MORN1: variants seen among roughly 807,000 people sequenced by gnomAD.
MORN1 encodes the protein MORN repeat containing 1.
In MORN1, 67 loss-of-function variants were observed where a neutral mutation model predicts 61.9. The ratio of observed to expected loss-of-function variants is 1.08; its 90% CI spans 0.89 to 1.33. The LOEUF is 1.33. Ranked by LOEUF, MORN1 falls within the 40% of genes most tolerant of loss-of-function variation. MORN1 has a pLI of 0.00. For missense variants in MORN1, 752 were observed against 691.2 expected (o/e 1.09, Z -0.99); for synonymous variants, 301 against 292.0 (o/e 1.03, Z -0.31).
At chr1:2,390,030 A>G in intron 1 of MORN1, 34 bp from the exon 2 acceptor site, 2 of 1,573,758 alleles carry the variant, frequency 1.3e-6, no homozygotes, top group Non-Finnish European at 1.7e-6. Context: ...AGGTAAGCAC[A>G]GACACAGAGA....
chr1:2,351,763 C>G, intron 10 of MORN1: 1 of 558,300 alleles, frequency 1.8e-6, no homozygotes, highest in Non-Finnish European at 3.5e-6. Flanking sequence ...TTGTCAAAAG[C>G]CTTGAAGGTG....
At chr1:2,323,783 T>C (rs955180163) in intron 13 of MORN1, 48 of 985,246 alleles carry the variant, frequency 4.9e-5, no homozygotes, top group Non-Finnish European at 5.1e-5. Flanking sequence ...CGGCTCCCCT[T>C]GGACCCCAAG....
chr1:2,358,781 G>A, intron 8 of MORN1, 66 bp from the exon 9 acceptor site: 2 of 1,546,660 alleles, frequency 1.3e-6, no homozygotes, highest in Non-Finnish European at 1.8e-6. Context: ...CGCGGGCCCG[G>A]GGCAGGCTTC....
intron 8 of MORN1, among the ~76,000 whole-genome samples, chr1:2,360,321 G>A (rs1641867445): frequency 6.6e-6 from 1 of 152,202 alleles, no homozygotes; most frequent in Non-Finnish European, 1.5e-5. Context: ...AACTGGGATC[G>A]ATTGACACCC....
chr1:2,323,498 CTT>C (rs1640929223), intron 13 of MORN1: 1 of 985,282 alleles, frequency 1.0e-6, no homozygotes, highest in South Asian at 4.7e-5. Flanking sequence ...GGGTCCGAGC[CTT>C]TGTGTAGCTG....
chr1:2,342,882 T>TTTTA (rs1491254126), intron 10 of MORN1, among the ~76,000 whole-genome samples: 199 of 97,616 alleles, frequency 2.0e-3, no homozygotes, highest in South Asian at 8.8e-3. Context: ...TTTTATTTTA[T>TTTTA]TTTATTTTAT....
At chr1:2,330,314 C>T (rs1223369036) in intron 12 of MORN1, among the ~76,000 whole-genome samples, 7 of 152,256 alleles carry the variant, frequency 4.6e-5, no homozygotes, top group Non-Finnish European at 1.0e-4. Flanking sequence ...CCCCATGTGT[C>T]TCCAGGCACC....
Position 2,372,229 on chromosome 1 carries a change from A to C in MORN1, c.745+252T>G. 2.2e-6 allele frequency: 1 copy of C among 458,286 alleles called. No homozygotes were observed. Among genetic ancestry groups the C allele is most frequent in the Non-Finnish European group, 4.0e-6 (1 of 247,384 alleles). The allele number at this position is 458,286 out of a possible 1,614,324, so 28.4% of individuals were successfully genotyped here. On this transcript the variant is annotated intron_variant, in intron 8 of 13. Transcript: ENST00000378531. This position sits in a 1 kb window ranked among gnomAD's most constrained non-coding sequence, Gnocchi z 5.4. Reference sequence around the variant, plus strand: ...GTGCACACCTGTGCAAGGCATACACACATATGCACACACATACAGGAGCAC... The same window carrying C: ...GTGCACACCTGTGCAAGGCATACACCCATATGCACACACATACAGGAGCAC...
At chr1:2,321,627 C>T (rs1453827791) in intron 13 of MORN1, 48 bp from the exon 14 acceptor site, 7 of 1,429,286 alleles carry the variant, frequency 4.9e-6, no homozygotes, top group African/African-American at 1.5e-5. Flanking sequence ...TGTCCCTTCC[C>T]CTCCCTGGCC....
At chr1:2,356,904 G>C (rs1318030404) in intron 10 of MORN1, among the ~76,000 whole-genome samples, 7 of 152,210 alleles carry the variant, frequency 4.6e-5, no homozygotes, top group Non-Finnish European at 8.8e-5. Context: ...CCAGCCTTGG[G>C]GGGCAGAGTT....
At position 2,388,149 on chromosome 1, in the gene MORN1, G is replaced by A. The variant is rs190268759; in HGVS notation, c.247+90C>T. On this transcript the variant is annotated intron_variant, in intron 3 of 13. Transcript: ENST00000378531. ...ACGGCACAAAGCTTCCCGTCTACAC[G>A]TCACGCCTTCTGCATCTAGACTCGG... 1.0e-3 allele frequency: 1,013 copies of A among 1,017,578 alleles called. 10 individuals are homozygous for A. The African/African-American group carries it at 0.013, about 13-fold the overall frequency. 63.0% of individuals were successfully genotyped at this position (1,017,578 alleles called of 1,614,324 possible).
chr1:2,357,714 C>T lies in MORN1; in HGVS notation c.870-116G>A, dbSNP rs372225718. The stretch of plus-strand genomic sequence containing the variant: ...ACTTGCCTACACTGAGTCCAGGGAG[C>T]GCTACTCAGCCTCTCTGGGAGGTCT... On this transcript the variant is annotated intron_variant, in intron 9 of 13. Transcript: ENST00000378531. The surrounding 1 kb of genome is among the most constrained non-coding windows in gnomAD (Gnocchi z 6.3). 36 of 1,225,138 alleles carry T rather than the reference C, an allele frequency of 2.9e-5. No individual in the cohort carries two copies. Among genetic ancestry groups the T allele is most frequent in the South Asian group, 2.3e-4 (12 of 52,222 alleles). 75.9% of individuals were successfully genotyped at this position (1,225,138 alleles called of 1,614,324 possible). A position where few individuals can be genotyped will look rare whatever the true frequency, so the allele number is the denominator to read the frequency against.
intron 13 of MORN1, chr1:2,322,063 C>T: frequency 2.0e-6 from 2 of 985,402 alleles, no homozygotes; most frequent in Non-Finnish European, 2.4e-6. Context: ...TTTTGAAGCC[C>T]CGCCCTGGCC....
At chr1:2,374,399 G>A in intron 7 of MORN1, 62 bp downstream of exon 7, 1 of 1,453,568 alleles carries the variant, frequency 6.9e-7, no homozygotes, top group Non-Finnish European at 9.4e-7. Flanking sequence ...TGGCTGCCCG[G>A]GGGCCAGGGA....
intron 1 of MORN1, chr1:2,390,720 G>A (rs183903416): frequency 3.0e-4 from 300 of 984,760 alleles, no homozygotes; most frequent in Non-Finnish European, 2.4e-4. Context: ...CCGTTTATTT[G>A]ATTCTAGAAA....
intron 3 of MORN1, 128 bp from the exon 4 acceptor site, chr1:2,387,657 ATAC>A (rs1642537691): frequency 1.5e-6 from 1 of 682,878 alleles, no homozygotes; most frequent in Non-Finnish European, 2.6e-6. Flanking sequence ...TGCCTCCATC[ATAC>A]TACTCAGTCT....
At position 2,325,261 on chromosome 1, in the gene MORN1, C is replaced by T. The variant is rs1443032855; in HGVS notation, c.1251-1118G>A. On this transcript the variant is annotated intron_variant, in intron 12 of 13. Coordinates refer to ENST00000378531, the MANE Select transcript of MORN1 (RefSeq NM_024848.3). Reference sequence around the variant, plus strand: ...TTCTTCCTCTCTCTCTCTCCTCTCTCTCTCTGCCTCTCTTTCTCTCTCTCT... The same window carrying T: ...TTCTTCCTCTCTCTCTCTCCTCTCTTTCTCTGCCTCTCTTTCTCTCTCTCT... Among the ~76,000 whole-genome samples, 10 of 119,198 alleles carry T rather than the reference C, an allele frequency of 8.4e-5. No individual in the cohort carries two copies. The East Asian group carries it at 2.8e-3, about 33-fold the overall frequency. 78.2% of individuals were successfully genotyped at this position (119,198 alleles called of 152,430 possible).
intron 10 of MORN1, among the ~76,000 whole-genome samples, chr1:2,346,025 TTCCTCAGACAAAGCC>T: frequency 6.8e-6 from 1 of 147,564 alleles, no homozygotes. Context: ...ACCAGGAACC[TTCCTCAGACAAAGCC>T]ACCAGGAACC....
intron 10 of MORN1, among the ~76,000 whole-genome samples, chr1:2,342,793 C>G (rs1641422283): frequency 1.3e-5 from 2 of 151,774 alleles, no homozygotes; most frequent in African/African-American, 4.8e-5. Context: ...CGAGAAGGGA[C>G]CTGGGCTGGC....
Sources: gnomAD v4.1 joint callset for allele counts (sites outside exome capture counted in the v4.1 genomes callset) on GRCh38, gnomAD v4.1.1 for gene constraint, Gnocchi (gnomAD v3.1) non-coding constraint, MANE v1.5 for transcripts, NCBI Gene and HGNC (gene_info 2026-07-23, HGNC 2026-07-21) for gene names.